The following SIK3 variants were observed in gnomAD, a reference collection of about 807,000 sequenced individuals.
SIK3 encodes SIK family kinase 3.
SIK3 carries 28 observed loss-of-function variants against 144.2 expected under a neutral mutation model. That is an observed-to-expected ratio of 0.19 (90% confidence interval 0.14 to 0.27). The LOEUF (loss-of-function observed/expected upper bound fraction) is 0.27. Among genes scored for constraint, SIK3 ranks in the 10% least tolerant of loss-of-function variants. SIK3 has a pLI of 1.00. For synonymous variants in SIK3, 686 were observed against 676.3 expected (o/e 1.01, Z -0.22); for missense variants, 1,319 against 1,776.0 (o/e 0.74, Z 4.62).
chr11:116,928,052 A>C (rs933796753), intron 3 of SIK3, among the ~76,000 whole-genome samples: 1 of 152,228 alleles, frequency 6.6e-6, no homozygotes, highest in African/African-American at 2.4e-5. Context: ...TCAAAAACCA[A>C]GTGAAGTTTC....
At chr11:116,974,330 AAAC>A (rs749698868) in intron 1 of SIK3, among the ~76,000 whole-genome samples, 1 of 152,354 alleles carries the variant, frequency 6.6e-6, no homozygotes, top group South Asian at 2.1e-4. Context: ...ATCGCTTAAC[AAAC>A]AACATTTCTT....
In SIK3 at chr11:116,886,837, T is replaced by C. The variant is rs757572409; in HGVS notation, c.865+9416A>G. On this transcript the variant is annotated intron_variant, in intron 6 of 24. Coordinates refer to ENST00000445177, the MANE Select transcript of SIK3 (RefSeq NM_001366686.3). ...TGGAAGGGCAGATCAGAGGAAATAT[T>C]TGCCAACACATGAAGCCAGGCCAGG... 1.8e-4 allele frequency among the ~76,000 whole-genome samples: 28 copies of C among 152,294 alleles called. No individual in the cohort carries two copies. In the East Asian group the frequency reaches 2.5e-3, roughly 14 times the overall value.
intron 1 of SIK3, among the ~76,000 whole-genome samples, chr11:117,013,916 GTGT>G (rs1951392993): frequency 5.8e-5 from 4 of 69,482 alleles, no homozygotes; most frequent in African/African-American, 1.8e-4. Flanking sequence ...GGGGGGGAGG[GTGT>G]GTGTGTGTGT....
At position 116,858,241 on chromosome 11, in the gene SIK3, G is replaced by A. The variant is rs373958184; in HGVS notation, c.3224C>T (p.Ala1075Val). The A allele has an allele frequency of 1.4e-4, 218 of 1,613,992 alleles. No homozygotes were observed. The highest frequency in any genetic ancestry group is 1.7e-4 in the Non-Finnish European group (205 of 1,179,916). ...CCCAAGGCTGGGAGCCAGACTCCCC[G>A]CATCCCCTTGGTTCATGTGCCTGAA... is the stretch of plus-strand genomic sequence containing the variant. ...ELFRHMNQGD[A>V]GSLAPSLGGQ... The change falls in exon 21 of 25, where the codon GCG becomes GTG. Residue 1075 changes from alanine to valine, a missense_variant. Around this residue, in one of 8 missense-constraint regions of SIK3, gnomAD observed 646 missense variants for 763.7 expected, o/e 0.85. Transcript: ENST00000445177. The surrounding 1 kb of genome is among the most constrained non-coding windows in gnomAD (Gnocchi z 5.4).
intron 1 of SIK3, among the ~76,000 whole-genome samples, chr11:116,978,504 C>T (rs1280915371): frequency 1.3e-5 from 2 of 151,902 alleles, no homozygotes; most frequent in African/African-American, 4.8e-5. Context: ...CAAATAGAAT[C>T]ATACTCGTTT....
In SIK3 at chr11:116,846,483, AGAG is replaced by A. The variant is rs1565349132; in HGVS notation, c.4020_4022del (p.Ser1341del). ...CTGTAATACACGTAGATGGATAGCA[AGAG>A]GAGTTTAAATGCTGGCTGCCATCAC... On this transcript the variant is annotated inframe_deletion, in exon 24 of 25. Transcript: ENST00000445177. This position sits in a 1 kb window ranked among gnomAD's most constrained non-coding sequence, Gnocchi z 4.1. 2 of 1,614,232 alleles carry A rather than the reference AGAG, an allele frequency of 1.2e-6. No individual in the cohort carries two copies. The highest frequency in any genetic ancestry group is 2.2e-5 in the South Asian group (2 of 91,092).
At chr11:116,940,574 T>G (rs1948234136) in intron 3 of SIK3, among the ~76,000 whole-genome samples, 1 of 152,082 alleles carries the variant, frequency 6.6e-6, no homozygotes, top group South Asian at 2.1e-4. Flanking sequence ...ATAATTTGAT[T>G]TGTTCTCTGG....
At chr11:117,025,708 A>T (rs1242267991) in intron 1 of SIK3, among the ~76,000 whole-genome samples, 1 of 152,164 alleles carries the variant, frequency 6.6e-6, no homozygotes, top group East Asian at 1.9e-4. Flanking sequence ...CTGGGATTAC[A>T]GATGTGATCC....
At chr11:116,988,255 A>G (rs1443838943) in intron 1 of SIK3, among the ~76,000 whole-genome samples, 9 of 152,022 alleles carry the variant, frequency 5.9e-5, no homozygotes, top group Non-Finnish European at 1.0e-4. Context: ...GCACGGTGGC[A>G]GGCGCCTGTA....
At chr11:116,938,221 AGGGG>A (rs1948030064) in intron 3 of SIK3, among the ~76,000 whole-genome samples, 1 of 4,940 alleles carries the variant, frequency 2.0e-4, no homozygotes, top group Non-Finnish European at 4.4e-4. Flanking sequence ...AGGGGAGGGG[AGGGG>A]AGGGGAGGGG....
chr11:117,066,709 G>GT (rs1342778690), intron 1 of SIK3, among the ~76,000 whole-genome samples: 2 of 152,030 alleles, frequency 1.3e-5, no homozygotes, highest in South Asian at 2.1e-4. Flanking sequence ...TAATTCTTAA[G>GT]TTTTTTGTAG....
At position 116,986,724 on chromosome 11, in the gene SIK3, T is replaced by C. The variant is rs950701998; in HGVS notation, c.274-29660A>G. Among the ~76,000 whole-genome samples, 8 of 152,140 alleles carry C rather than the reference T, an allele frequency of 5.3e-5. No individual in the cohort carries two copies. In the East Asian group the frequency reaches 1.5e-3, roughly 29 times the overall value. ...TCCTCAAACACAAGGAATAGCAATT[T>C]CCAAACTGCATTACAGAAGACTGAC... On this transcript the variant is annotated intron_variant, in intron 1 of 24. Transcript: ENST00000445177.
At chr11:117,053,154 C>T (rs7130297) in intron 1 of SIK3, among the ~76,000 whole-genome samples, 125,787 of 151,764 alleles carry the variant, frequency 0.83, 52,738 homozygotes, top group Non-Finnish European at 0.89. Context: ...CTGGCCAACA[C>T]GGTAAAACCC....
At chr11:116,931,427 G>A (rs1017531225) in intron 3 of SIK3, among the ~76,000 whole-genome samples, 4 of 152,220 alleles carry the variant, frequency 2.6e-5, no homozygotes, top group Admixed American at 2.6e-4. Flanking sequence ...TGGGATAGTG[G>A]TGCGGAGCCA....
At position 116,846,357 on chromosome 11, in the gene SIK3, T is replaced by G. The variant is rs1418121634; in HGVS notation, c.*13+26A>C. ...GCAGGCACTGGGCCACAGGGCTGGT[T>G]TGGCTCTGGCCAGGGTGACACTCAC... On this transcript the variant is annotated intron_variant, in intron 24 of 24. Transcript: ENST00000445177. The surrounding 1 kb of genome is among the most constrained non-coding windows in gnomAD (Gnocchi z 4.1). 3 of 1,607,072 alleles carry G rather than the reference T, an allele frequency of 1.9e-6. No individual in the cohort carries two copies. The African/African-American group carries it at 4.0e-5, about 21-fold the overall frequency.
At chr11:116,997,782 G>T (rs1950717677) in intron 1 of SIK3, among the ~76,000 whole-genome samples, 1 of 152,222 alleles carries the variant, frequency 6.6e-6, no homozygotes, top group South Asian at 2.1e-4. Flanking sequence ...AGGAAAAACA[G>T]ATCTCATACG....
At chr11:116,912,043 C>A (rs1318193772) in intron 4 of SIK3, among the ~76,000 whole-genome samples, 1 of 152,238 alleles carries the variant, frequency 6.6e-6, no homozygotes, top group African/African-American at 2.4e-5. Context: ...TCATTTATTT[C>A]TCCACTCGCA....
chr11:116,923,353 A>G (rs1477919711), intron 4 of SIK3, among the ~76,000 whole-genome samples: 1 of 152,234 alleles, frequency 6.6e-6, no homozygotes, highest in Admixed American at 6.5e-5. Flanking sequence ...GGAATCTGAA[A>G]GTTACTTTTG....
chr11:116,923,076 C>T (rs1043537263), intron 4 of SIK3, among the ~76,000 whole-genome samples: 16 of 151,894 alleles, frequency 1.1e-4, no homozygotes, highest in African/African-American at 3.4e-4. Flanking sequence ...GCCATCATGC[C>T]CAGCTAATTT....
Sources: allele counts gnomAD v4.1 joint callset (sites outside exome capture counted in the v4.1 genomes callset), GRCh38; gene constraint gnomAD v4.1.1; regional missense constraint gnomAD v4.1.1; non-coding constraint Gnocchi (gnomAD v3.1); transcripts MANE v1.5; gene names NCBI Gene and HGNC (gene_info 2026-07-23, HGNC 2026-07-21).